Variants in RGS6 observed in about 807,000 individuals in gnomAD.
The protein encoded by RGS6 is regulator of G-protein signaling 6.
RGS6 carries 30 observed loss-of-function variants against 78.5 expected under a neutral mutation model. The ratio of observed to expected loss-of-function variants is 0.38; its 90% CI spans 0.29 to 0.52. The LOEUF (loss-of-function observed/expected upper bound fraction) is 0.52. Ranked by LOEUF, RGS6 falls within the 20% of genes least tolerant of loss-of-function variation. RGS6 has a pLI of 0.85. For missense variants in RGS6, 495 were observed against 609.7 expected (o/e 0.81, Z 1.98); for synonymous variants, 206 against 206.0 (o/e 1.00, Z 0.00).
the RGS6 span, among the ~76,000 whole-genome samples, chr14:71,910,340 G>A: frequency 7.9e-5 from 12 of 152,162 alleles, no homozygotes; most frequent in Non-Finnish European, 2.9e-5. Context: ...CTACAAACGA[G>A]CCTTGCTCTG....
chr14:72,164,560 G>A (rs1033727247), intron 2 of RGS6, among the ~76,000 whole-genome samples: 2 of 152,072 alleles, frequency 1.3e-5, no homozygotes, highest in African/African-American at 4.8e-5. Flanking sequence ...ATTGATATGG[G>A]GATTATTTTC....
intron 2 of RGS6, among the ~76,000 whole-genome samples, chr14:72,192,763 G>A (rs959878692): frequency 1.2e-4 from 18 of 152,128 alleles, no homozygotes; most frequent in African/African-American, 3.9e-4. Flanking sequence ...TTCGTTCACT[G>A]TCTCAGAGTT....
chr14:72,349,030 G>C (rs1330679400), intron 2 of RGS6, among the ~76,000 whole-genome samples: 2 of 152,012 alleles, frequency 1.3e-5, no homozygotes, highest in Non-Finnish European at 2.9e-5. Context: ...GCCAGGCGTG[G>C]TGGCAGGCGC....
intron 3 of RGS6, among the ~76,000 whole-genome samples, chr14:72,401,487 A>G (rs537000965): frequency 6.6e-6 from 1 of 151,974 alleles, no homozygotes; most frequent in Non-Finnish European, 1.5e-5. Flanking sequence ...GTCAAACATG[A>G]TTTTATATGT....
At chr14:72,435,289 C>A (rs1170062511) in intron 3 of RGS6, among the ~76,000 whole-genome samples, 3 of 152,128 alleles carry the variant, frequency 2.0e-5, no homozygotes, top group Non-Finnish European at 4.4e-5. Flanking sequence ...AGTGTAGAGA[C>A]CCTCTAGTTC....
chr14:72,168,888 T>C (rs911268128), intron 2 of RGS6, among the ~76,000 whole-genome samples: 1 of 152,138 alleles, frequency 6.6e-6, no homozygotes, highest in Admixed American at 6.5e-5. Flanking sequence ...TAAGGTGATA[T>C]TTATAGTCTA....
rs189515396 is a variant in RGS6, at chr14:72,328,424, A to C, written c.85-23671A>C. Among the ~76,000 whole-genome samples, 562 of 152,336 alleles carry C rather than the reference A, an allele frequency of 3.7e-3. 1 individual carries two copies. The highest frequency in any genetic ancestry group is 0.01 in the Middle Eastern group (3 of 294). On this transcript the variant is annotated intron_variant, in intron 2 of 17. Coordinates refer to ENST00000553525, the MANE Select transcript of RGS6 (RefSeq NM_001204424.2). ...ACAAATATTTTTGGAAAAGTATCAA[A>C]CACTCTGTGCAAGGAGCAAGAAATG...
At chr14:72,060,843 C>T (rs909902060) in intron 2 of RGS6, among the ~76,000 whole-genome samples, 1 of 152,190 alleles carries the variant, frequency 6.6e-6, no homozygotes, top group Non-Finnish European at 1.5e-5. Context: ...ATTTTTTTAG[C>T]ATGAACTTTC....
chr14:72,435,339 C>T (rs1354092867), intron 3 of RGS6, among the ~76,000 whole-genome samples: 4 of 152,216 alleles, frequency 2.6e-5, no homozygotes, highest in Non-Finnish European at 5.9e-5. Flanking sequence ...TTACCAGTCC[C>T]AGCATCCATT....
chr14:72,389,596 A>G (rs2089370029), intron 3 of RGS6, among the ~76,000 whole-genome samples: 1 of 152,174 alleles, frequency 6.6e-6, no homozygotes. Flanking sequence ...CCCGATCCCC[A>G]GGGCCTGAAA....
At chr14:72,277,238 G>A (rs972242462) in intron 2 of RGS6, among the ~76,000 whole-genome samples, 5 of 152,138 alleles carry the variant, frequency 3.3e-5, no homozygotes, top group African/African-American at 1.2e-4. Context: ...TTTGTTCCTG[G>A]TACTATGCTC....
intron 3 of RGS6, among the ~76,000 whole-genome samples, chr14:72,395,571 T>G (rs1176916032): frequency 2.0e-5 from 3 of 152,148 alleles, no homozygotes; most frequent in Non-Finnish European, 4.4e-5. Flanking sequence ...TTAGGGTACA[T>G]GTGCACAACA....
chr14:71,922,006 C>A, the RGS6 span, among the ~76,000 whole-genome samples: 1 of 152,208 alleles, frequency 6.6e-6, no homozygotes, highest in Admixed American at 6.5e-5. Flanking sequence ...AGTTCTGTGG[C>A]TTTAAATCCC....
chr14:71,960,937 T>G (rs1181328042), intron 1 of RGS6, among the ~76,000 whole-genome samples: 1 of 152,240 alleles, frequency 6.6e-6, no homozygotes, highest in Non-Finnish European at 1.5e-5. Flanking sequence ...CATCTGTTAT[T>G]CCTACCGGTC....
intron 2 of RGS6, among the ~76,000 whole-genome samples, chr14:72,267,056 C>G (rs1186488170): frequency 1.3e-5 from 2 of 152,184 alleles, no homozygotes; most frequent in Admixed American, 1.3e-4. Context: ...GGCTGGAATG[C>G]AGTGGTGCAA....
intron 2 of RGS6, among the ~76,000 whole-genome samples, chr14:72,122,746 T>G (rs1419317395): frequency 3.3e-5 from 5 of 151,838 alleles, no homozygotes; most frequent in Admixed American, 6.6e-5. Flanking sequence ...TATCGTTTTT[T>G]TTTTTTTTTT....
intron 2 of RGS6, among the ~76,000 whole-genome samples, chr14:72,321,516 A>G (rs114245389): frequency 1.3e-5 from 2 of 152,074 alleles, no homozygotes; most frequent in Non-Finnish European, 2.9e-5. Flanking sequence ...GCAAAGGAAT[A>G]TTATCAAATG....
intron 2 of RGS6, among the ~76,000 whole-genome samples, chr14:71,970,138 TATTA>T (rs2093719799): frequency 1.3e-5 from 2 of 152,230 alleles, no homozygotes; most frequent in Non-Finnish European, 1.5e-5. Flanking sequence ...CATTTTGTAG[TATTA>T]ATTATATGCT....
intron 17 of RGS6, among the ~76,000 whole-genome samples, chr14:72,559,665 G>A (rs925571483): frequency 1.8e-4 from 27 of 152,216 alleles, no homozygotes; most frequent in Non-Finnish European, 3.8e-4. Context: ...CCCAAGGGTG[G>A]CCCCTAAGCT....
Sources: gnomAD v4.1 joint callset for allele counts (sites outside exome capture counted in the v4.1 genomes callset) on GRCh38, gnomAD v4.1.1 for gene constraint, MANE v1.5 for transcripts, NCBI Gene and HGNC (gene_info 2026-07-23, HGNC 2026-07-21) for gene names.